Variants in CAPN2 observed in about 807,000 individuals in gnomAD.
CAPN2 encodes calpain-2 catalytic subunit.
A neutral mutation model predicts 102.3 loss-of-function variants in CAPN2; 92 were observed. The ratio of observed to expected loss-of-function variants is 0.90; its 90% CI spans 0.76 to 1.07. CAPN2 has a LOEUF of 1.07. Ranked by LOEUF, CAPN2 falls within the 50% of genes least tolerant of loss-of-function variation. The probability of loss-of-function intolerance (pLI) is 0.00; values close to 1 mark genes in which losing one functional copy is unlikely to be tolerated. For synonymous variants in CAPN2, 340 were observed against 355.4 expected (o/e 0.96, Z 0.49); for missense variants, 800 against 909.4 (o/e 0.88, Z 1.55).
At chr1:223,758,695 G>T (rs1222079) in intron 11 of CAPN2, 38,975 of 142,274 alleles carry the variant, frequency 0.27, 8,875 homozygotes, top group African/African-American at 0.64. Flanking sequence ...TTTGCTTTTT[G>T]TTTTTTTTTT....
At chr1:223,742,516 ATAT>A (rs1230291982) in intron 2 of CAPN2, among the ~76,000 whole-genome samples, 37 of 113,866 alleles carry the variant, frequency 3.2e-4, no homozygotes, top group African/African-American at 1.2e-3. Context: ...ATATATATAT[ATAT>A]TTTTTTTTTT....
chr1:223,729,552 G>C (rs1242201954), intron 2 of CAPN2, among the ~76,000 whole-genome samples: 1 of 152,184 alleles, frequency 6.6e-6, no homozygotes, highest in Admixed American at 6.5e-5. Flanking sequence ...TACATTTTAG[G>C]AGGACATAAG....
At chr1:223,714,712 A>G (rs951367789) in intron 1 of CAPN2, among the ~76,000 whole-genome samples, 3 of 151,886 alleles carry the variant, frequency 2.0e-5, no homozygotes, top group African/African-American at 7.3e-5. Context: ...TAGTGAGTTC[A>G]CATACTCATT....
At chr1:223,761,538 C>G (rs757190294) in intron 12 of CAPN2, 43 bp from the exon 13 acceptor site, 4 of 1,577,166 alleles carry the variant, frequency 2.5e-6, no homozygotes, top group Non-Finnish European at 3.5e-6. Context: ...CCTTTTTGCC[C>G]TCGCCTGCCT....
chr1:223,747,206 C>G, intron 5 of CAPN2, 41 bp downstream of exon 5: 4 of 1,550,878 alleles, frequency 2.6e-6, no homozygotes, highest in Non-Finnish European at 3.5e-6. Flanking sequence ...CCCATCTGCT[C>G]TTGCTGAAGG....
chr1:223,750,143 T>G (rs1221076771), intron 6 of CAPN2, among the ~76,000 whole-genome samples: 4 of 152,182 alleles, frequency 2.6e-5, no homozygotes, highest in African/African-American at 7.2e-5. Context: ...ACACACGTCT[T>G]TTTATTTGAA....
intron 2 of CAPN2, among the ~76,000 whole-genome samples, chr1:223,718,876 A>G (rs1659954282): frequency 6.6e-6 from 1 of 152,234 alleles, no homozygotes; most frequent in South Asian, 2.1e-4. Context: ...CTACAGCTAA[A>G]GTGGTGGCTG....
At position 223,771,878 on chromosome 1, in the gene CAPN2, A is replaced by G; in HGVS notation, c.1973A>G (p.Asp658Gly). The G allele has an allele frequency of 2.5e-6, 4 of 1,614,086 alleles. No individual in the cohort carries two copies. Among genetic ancestry groups the G allele is most frequent in the Non-Finnish European group, 3.4e-6 (4 of 1,179,980 alleles). ...TTTGCAGATGACCAGCTCATCATCG[A>G]TTTTGATAATTTTGTTCGGTGTTTG... ...ARFADDQLII[D>G]FDNFVRCLVR... The change falls in exon 19 of 21, where the codon GAT becomes GGT. Residue 658 changes from aspartate to glycine, a missense_variant. Physicochemically the swap from Asp to Gly is moderately conservative, Grantham distance 94. Coordinates refer to ENST00000295006, the MANE Select transcript of CAPN2 (RefSeq NM_001748.5).
rs761983201 is a variant in CAPN2, at chr1:223,772,221, A to C, written c.2061A>C (p.Ile687=). 14 of 1,614,106 alleles carry C rather than the reference A, an allele frequency of 8.7e-6. No individual in the cohort carries two copies. The East Asian group carries it at 2.7e-4, about 31-fold the overall frequency. ...KQLDPENTGT[I]ELDLISWLCF... ...TGGATCCCGAGAATACTGGAACAATAGAGCTCGACCTTATCTCTGTGAGTC... is the reference window on the plus strand; with the variant it reads ...TGGATCCCGAGAATACTGGAACAATCGAGCTCGACCTTATCTCTGTGAGTC... The change falls in exon 20 of 21, where the codon ATA becomes ATC. Residue 687 remains isoleucine, a synonymous_variant. Coordinates refer to ENST00000295006, the MANE Select transcript of CAPN2 (RefSeq NM_001748.5).
At chr1:223,770,333 C>A in intron 17 of CAPN2, 114 bp from the exon 18 acceptor site, 1 of 672,510 alleles carries the variant, frequency 1.5e-6, no homozygotes, top group Non-Finnish European at 2.6e-6. Flanking sequence ...CTTCCACGGC[C>A]AAACTAGAGG....
intron 9 of CAPN2, 68 bp downstream of exon 9, chr1:223,753,024 C>T: frequency 1.5e-5 from 22 of 1,484,268 alleles, no homozygotes; most frequent in South Asian, 3.6e-5. Flanking sequence ...CCCCTTACCC[C>T]ACCCTGTGTA....
chr1:223,713,763 T>A (rs1364192432), intron 1 of CAPN2, among the ~76,000 whole-genome samples: 1 of 152,172 alleles, frequency 6.6e-6, no homozygotes. Flanking sequence ...CCAGGTCACC[T>A]TCTGTTACCC....
At chr1:223,771,679 G>C (rs1388235887) in intron 18 of CAPN2, 130 bp from the exon 19 acceptor site, 6 of 702,366 alleles carry the variant, frequency 8.5e-6, no homozygotes, top group Non-Finnish European at 1.5e-5. Flanking sequence ...CAGTCTCACA[G>C]AAGAGCAGCC....
chr1:223,769,533 C>T (rs544265018), intron 16 of CAPN2, among the ~76,000 whole-genome samples: 24 of 152,208 alleles, frequency 1.6e-4, no homozygotes, highest in African/African-American at 5.5e-4. Flanking sequence ...AGGGCCTAGC[C>T]ACTAGAAGCC....
intron 4 of CAPN2, among the ~76,000 whole-genome samples, chr1:223,746,380 C>T (rs1660748305): frequency 6.6e-6 from 1 of 151,724 alleles, no homozygotes; most frequent in Admixed American, 6.6e-5. Context: ...CATTAGTAGA[C>T]CTCCCCTTTC....
intron 19 of CAPN2, 55 bp downstream of exon 19, chr1:223,771,980 C>A: frequency 7.7e-7 from 1 of 1,299,068 alleles, no homozygotes; most frequent in Non-Finnish European, 1.1e-6. Flanking sequence ...TTAAAGTGGC[C>A]TGCCTTTCAC....
intron 15 of CAPN2, among the ~76,000 whole-genome samples, chr1:223,765,133 T>G (rs1324960092): frequency 2.6e-5 from 4 of 152,244 alleles, no homozygotes; most frequent in Non-Finnish European, 5.9e-5. Context: ...GGTTGTTTGC[T>G]GCATACCAGC....
At position 223,731,188 on chromosome 1, in the gene CAPN2, T is replaced by G. The variant is rs1483951726; in HGVS notation, c.308-12912T>G. ...AAAGAGGAAGCAGGGAGTGATTCAT[T>G]CTGAAAAAGGCAAATATTTTATTAT... is the stretch of plus-strand genomic sequence containing the variant. On this transcript the variant is annotated intron_variant, in intron 2 of 20. Transcript: ENST00000295006. This position sits in a 1 kb window ranked among gnomAD's most constrained non-coding sequence, Gnocchi z 4.2. 6.6e-6 allele frequency among the ~76,000 whole-genome samples: 1 copy of G among 152,032 alleles called. No individual in the cohort carries two copies. The highest frequency in any genetic ancestry group is 1.5e-5 in the Non-Finnish European group (1 of 67,988).
intron 1 of CAPN2, among the ~76,000 whole-genome samples, chr1:223,715,662 G>T (rs1368957866): frequency 2.6e-5 from 4 of 152,246 alleles, no homozygotes; most frequent in Non-Finnish European, 5.9e-5. Context: ...GAGAAAGCAG[G>T]TGTGATCCGG....
Sources: gnomAD v4.1 joint callset for allele counts (sites outside exome capture counted in the v4.1 genomes callset) on GRCh38, gnomAD v4.1.1 for gene constraint, Gnocchi (gnomAD v3.1) non-coding constraint, MANE v1.5 for transcripts, NCBI Gene and HGNC (gene_info 2026-07-23, HGNC 2026-07-21) for gene names.